ARPIN: variants seen among roughly 807,000 people sequenced by gnomAD.
ARPIN encodes the protein actin related protein 2/3 complex inhibitor, also known as UPF0552 protein C15orf38.
A neutral mutation model predicts 25.9 loss-of-function variants in ARPIN; 23 were observed. The ratio of observed to expected loss-of-function variants is 0.89; its 90% CI spans 0.64 to 1.26. The LOEUF is 1.26. ARPIN is among the 50% of genes most tolerant of loss of function. ARPIN has a pLI of 0.00. For synonymous variants in ARPIN, 126 were observed against 131.4 expected (o/e 0.96, Z 0.28); for missense variants, 333 against 312.2 (o/e 1.07, Z -0.50).
chr15:89,911,286 C>T (rs1161031540), intron 1 of ARPIN, among the ~76,000 whole-genome samples: 4 of 152,202 alleles, frequency 2.6e-5, no homozygotes, highest in African/African-American at 9.7e-5. Context: ...TAAACACTCT[C>T]ATATTCCTTT....
At chr15:89,902,739 CTG>C (rs1897043187) in intron 5 of ARPIN, 1 of 513,258 alleles carries the variant, frequency 1.9e-6, no homozygotes, top group African/African-American at 2.1e-5. Flanking sequence ...AGAAAAGCAA[CTG>C]TGAATAGGCT....
intron 3 of ARPIN, among the ~76,000 whole-genome samples, chr15:89,906,175 T>C (rs934070911): frequency 1.5e-4 from 23 of 152,142 alleles, no homozygotes; most frequent in African/African-American, 5.6e-4. Context: ...CCCTAACAGC[T>C]TTTTCACAGG....
intron 4 of ARPIN, among the ~76,000 whole-genome samples, 188 bp downstream of exon 4, chr15:89,903,589 C>T (rs1200880637): frequency 3.9e-5 from 6 of 152,192 alleles, no homozygotes; most frequent in Non-Finnish European, 8.8e-5. Flanking sequence ...ACCCGGGGAT[C>T]CAGGCTGTCG....
In ARPIN at chr15:89,903,328, C is replaced by G; in HGVS notation, c.560G>C (p.Gly187Ala). ...CCAGGATGCCCCTGTCTTTCCATCA[C>G]CAGTGAAATTACACTTGGTCACTGT... ...AGTVTKCNFT[G>A]DGKTGASWTD... The change falls in exon 5 of 6, where the codon GGT (glycine) becomes GCT (alanine). Residue 187 changes from glycine (G) to alanine (A), a missense_variant. By Grantham distance (60) the Gly-to-Ala change is moderately conservative. Transcript: ENST00000357484. 1 of 1,614,224 alleles carries G rather than the reference C, an allele frequency of 6.2e-7. No individual in the cohort carries two copies. The highest frequency in any genetic ancestry group is 8.5e-7 in the Non-Finnish European group (1 of 1,180,052).
rs1398743215 is a variant in ARPIN, at chr15:89,912,871, G to C, written c.-36C>G. ...GCCCGGGCACCCCGGCACAGAGCCG[G>C]CGCACTGGGCTGGGGGCGCGGCGCG... On this transcript the variant is annotated 5_prime_UTR_variant, in exon 1 of 6. Transcript: ENST00000357484. 1 of 1,504,448 alleles carries C rather than the reference G, an allele frequency of 6.6e-7. No individual in the cohort carries two copies. The highest frequency in any genetic ancestry group is 1.5e-5 in the African/African-American group (1 of 68,626). 93.2% of individuals were successfully genotyped at this position (1,504,448 alleles called of 1,614,324 possible). A position where few individuals can be genotyped will look rare whatever the true frequency, so the allele number is the denominator to read the frequency against.
rs1452266004 is a variant in ARPIN at position 89,900,031 on chromosome 15, A to G, written c.*1764T>C. On this transcript the variant is annotated 3_prime_UTR_variant, in exon 6 of 6. Transcript: ENST00000357484. ...TGACCTGTCCATATAAGTGTGCCAT[A>G]CCCTTTGGACACAGTGCTTTAGACA... is the stretch of plus-strand genomic sequence containing the variant. 6.6e-6 allele frequency: 1 copy of G among 152,042 alleles called. No individual in the cohort carries two copies. Among genetic ancestry groups the G allele is most frequent in the African/African-American group, 2.4e-5 (1 of 41,382 alleles). The allele number at this position is 152,042 out of a possible 1,614,324, so 9.4% of individuals were successfully genotyped here.
intron 3 of ARPIN, among the ~76,000 whole-genome samples, chr15:89,905,024 CTTT>C (rs34676869): frequency 1.9e-4 from 26 of 139,272 alleles, no homozygotes; most frequent in Admixed American, 2.1e-4. Flanking sequence ...CCTGTCAACC[CTTT>C]TTTTTTTTTT....
chr15:89,904,901 C>A (rs1238438296), intron 3 of ARPIN, among the ~76,000 whole-genome samples: 1 of 152,208 alleles, frequency 6.6e-6, no homozygotes, highest in Non-Finnish European at 1.5e-5. Flanking sequence ...TCCCACAGGA[C>A]TGCTCCATCC....
In ARPIN at chr15:89,901,448, G is replaced by A. The variant is rs1168510087; in HGVS notation, c.*347C>T. 1 of 299,306 alleles carries A rather than the reference G, an allele frequency of 3.3e-6. No individual in the cohort carries two copies. Among genetic ancestry groups the A allele is most frequent in the South Asian group, 4.3e-5 (1 of 23,474 alleles). 18.5% of individuals were successfully genotyped at this position (299,306 alleles called of 1,614,324 possible). ...AATCCCAACACCTTGGGAGGTGGAG[G>A]GGGGTGGATCGCTTGAGTCCAGGAG... On this transcript the variant is annotated 3_prime_UTR_variant, in exon 6 of 6. Coordinates refer to ENST00000357484, the MANE Select transcript of ARPIN (RefSeq NM_182616.4).
intron 2 of ARPIN, among the ~76,000 whole-genome samples, chr15:89,909,561 G>A (rs1451235301): frequency 6.6e-6 from 1 of 152,224 alleles, no homozygotes; most frequent in African/African-American, 2.4e-5. Context: ...TTCGGAGTTT[G>A]GATTTTATTT....
In ARPIN at chr15:89,898,552, C is replaced by G. The variant is rs1896966326; in HGVS notation, c.*3243G>C. On this transcript the variant is annotated 3_prime_UTR_variant, in exon 6 of 6. Transcript: ENST00000357484. ...ATCCTACAGAAATGTTTGAGTTTAA[C>G]ACTACGTTTGTTCCAACAAATTAGA... 6.6e-6 allele frequency: 1 copy of G among 152,212 alleles called. No homozygotes were observed. Among genetic ancestry groups the G allele is most frequent in the Non-Finnish European group, 1.5e-5 (1 of 68,054 alleles). The allele number at this position is 152,212 out of a possible 1,614,324, so 9.4% of individuals were successfully genotyped here.
At chr15:89,912,119 T>G in intron 1 of ARPIN, 1 of 866,116 alleles carries the variant, frequency 1.2e-6, no homozygotes, top group Non-Finnish European at 1.4e-6. Context: ...CAGCGCCTGG[T>G]CTGTTCTGCC....
intron 2 of ARPIN, 84 bp downstream of exon 2, chr15:89,910,660 A>G: frequency 6.4e-7 from 1 of 1,563,554 alleles, no homozygotes; most frequent in Non-Finnish European, 8.8e-7. Context: ...ATGGCACTGG[A>G]AGGACCCAGC....
rs544133343 is a variant in ARPIN, at chr15:89,908,587, G to T, written c.169-175C>A. 4.6e-5 allele frequency among the ~76,000 whole-genome samples: 7 copies of T among 152,192 alleles called. No individual in the cohort carries two copies. In the South Asian group the frequency reaches 6.2e-4, roughly 14 times the overall value. On this transcript the variant is annotated intron_variant, in intron 2 of 5. Transcript: ENST00000357484. ...GCCCCCAAATACTTATGCATTCATG[G>T]GTTCACAAGAGCACCTGCCGCATAT...
At chr15:89,912,337 C>T (rs1897238889) in intron 1 of ARPIN, 14 of 1,007,306 alleles carry the variant, frequency 1.4e-5, no homozygotes, top group Non-Finnish European at 1.7e-5. Context: ...AGCCCGCCCG[C>T]TGTTCCCGCC....
chr15:89,900,056 A>G lies in ARPIN; in HGVS notation c.*1739T>C, dbSNP rs1896993764. On this transcript the variant is annotated 3_prime_UTR_variant, in exon 6 of 6. Transcript: ENST00000357484. ...ACCCTTTGGACACAGTGCTTTAGACAGCAGGATGTCTAAAGACACTGGGTG... is the reference window on the plus strand; with the variant it reads ...ACCCTTTGGACACAGTGCTTTAGACGGCAGGATGTCTAAAGACACTGGGTG... 6.6e-6 allele frequency: 1 copy of G among 152,240 alleles called. No homozygotes were observed. The highest frequency in any genetic ancestry group is 2.4e-5 in the African/African-American group (1 of 41,448). 9.4% of individuals were successfully genotyped at this position (152,240 alleles called of 1,614,324 possible). A position where few individuals can be genotyped will look rare whatever the true frequency, so the allele number is the denominator to read the frequency against.
rs955403377 is a variant in ARPIN at position 89,895,202 on chromosome 15, C to G, written c.*6593G>C. On this transcript the variant is annotated 3_prime_UTR_variant, in exon 6 of 6. Coordinates refer to ENST00000357484, the MANE Select transcript of ARPIN (RefSeq NM_182616.4). ...TGAGAAATTGGTTAAGTGCATTGTTCTACATTGAATATGAGAAATATTAAA... is the reference window on the plus strand; with the variant it reads ...TGAGAAATTGGTTAAGTGCATTGTTGTACATTGAATATGAGAAATATTAAA... 2 of 152,002 alleles carry G rather than the reference C, an allele frequency of 1.3e-5. No homozygotes were observed. Among genetic ancestry groups the G allele is most frequent in the African/African-American group, 4.8e-5 (2 of 41,384 alleles). The allele number at this position is 152,002 out of a possible 1,614,324, so 9.4% of individuals were successfully genotyped here.
At position 89,903,198 on chromosome 15, in the gene ARPIN, C is replaced by T. The variant is rs1437253727; in HGVS notation, c.672+18G>A. On this transcript the variant is annotated intron_variant, in intron 5 of 5. Transcript: ENST00000357484. ...GCTCCTGCCAGGAGATACAACTGCA[C>T]CAACACCAGGTACCTACCCACTCCT... The T allele has an allele frequency of 6.2e-7, 1 of 1,614,184 alleles. No homozygotes were observed. The highest frequency in any genetic ancestry group is 1.7e-5 in the Admixed American group (1 of 60,022).
In ARPIN at chr15:89,900,692, A is replaced by G. The variant is rs1250733906; in HGVS notation, c.*1103T>C. ...TTTTCCCAAGTCAAGCAAGATCCAC[A>G]TGCCACCAAGTCCTGACGACATGGA... is the stretch of plus-strand genomic sequence containing the variant. On this transcript the variant is annotated 3_prime_UTR_variant, in exon 6 of 6. Transcript: ENST00000357484. 1.3e-5 allele frequency: 2 copies of G among 152,236 alleles called. No homozygotes were observed. The highest frequency in any genetic ancestry group is 4.8e-5 in the African/African-American group (2 of 41,442). The allele number at this position is 152,236 out of a possible 1,614,324, so 9.4% of individuals were successfully genotyped here.
Sources: allele counts gnomAD v4.1 joint callset (sites outside exome capture counted in the v4.1 genomes callset), GRCh38; gene constraint gnomAD v4.1.1; transcripts MANE v1.5; gene names NCBI Gene and HGNC (gene_info 2026-07-23, HGNC 2026-07-21).